CA13: variants seen among roughly 807,000 people sequenced by gnomAD.
CA13 encodes carbonic anhydrase 13.
A neutral mutation model predicts 31.5 loss-of-function variants in CA13; 21 were observed. That is an observed-to-expected ratio of 0.67 (90% CI 0.47 to 0.96). The LOEUF (loss-of-function observed/expected upper bound fraction) is 0.96, where lower values mean the gene tolerates loss of function less well. CA13 is among the 40% of genes least tolerant of loss of function. The pLI is 0.00. For missense variants in CA13, 315 were observed against 318.9 expected (o/e 0.99, Z 0.09); for synonymous variants, 117 against 111.4 (o/e 1.05, Z -0.32).
intron 1 of CA13, 125 bp downstream of exon 1, chr8:85,245,990 AAAC>A: frequency 1.8e-5 from 3 of 167,526 alleles, no homozygotes; most frequent in Non-Finnish European, 3.2e-5. Flanking sequence ...GTTCCTCTTT[AAAC>A]TAAGCAGCAC....
At chr8:85,249,648 T>C (rs1030350005) in intron 1 of CA13, among the ~76,000 whole-genome samples, 10 of 152,250 alleles carry the variant, frequency 6.6e-5, no homozygotes, top group African/African-American at 2.2e-4. Context: ...CATGCTATGA[T>C]GTTTTAATTA....
At chr8:85,264,932 T>G (rs1434095845) in intron 3 of CA13, among the ~76,000 whole-genome samples, 3 of 152,254 alleles carry the variant, frequency 2.0e-5, no homozygotes, top group Non-Finnish European at 4.4e-5. Context: ...GGAATCTACT[T>G]TTATATTGCA....
At chr8:85,252,239 G>C (rs1807203585) in intron 2 of CA13, among the ~76,000 whole-genome samples, 1 of 151,856 alleles carries the variant, frequency 6.6e-6, no homozygotes, top group Non-Finnish European at 1.5e-5. Flanking sequence ...CTGGGTGACA[G>C]AGCAAGATCC....
At chr8:85,266,367 G>A (rs1179792546) in intron 3 of CA13, among the ~76,000 whole-genome samples, 1 of 151,948 alleles carries the variant, frequency 6.6e-6, no homozygotes, top group Non-Finnish European at 1.5e-5. Context: ...GGATGCTCAA[G>A]GCATTCTATA....
In CA13 at chr8:85,268,626, A is replaced by G. The variant is rs758322947; in HGVS notation, c.668A>G (p.Gln223Arg). The change falls in exon 6 of 7, where the codon CAG becomes CGG. Residue 223 changes from glutamine to arginine, a missense_variant and splice_region_variant. Physicochemically the swap from Gln to Arg is conservative, Grantham distance 43. Coordinates refer to ENST00000321764, the MANE Select transcript of CA13 (RefSeq NM_198584.3). ...CAACCTATAAACATCAGCTCTCAAC[A>G]GGTACATAATCTCTTCCAGGTTGAT... Reference protein sequence around the residue: ...LKQPINISSQQLAKFRSLLCT... With the variant: ...LKQPINISSQRLAKFRSLLCT... The G allele has an allele frequency of 6.2e-7, 1 of 1,611,974 alleles. No homozygotes were observed. Among genetic ancestry groups the G allele is most frequent in the South Asian group, 1.1e-5 (1 of 90,924 alleles).
At chr8:85,273,738 C>T (rs766004538) in intron 6 of CA13, among the ~76,000 whole-genome samples, 17 of 151,954 alleles carry the variant, frequency 1.1e-4, no homozygotes, top group Non-Finnish European at 2.4e-4. Context: ...TTGGGGCTGA[C>T]GCCATAGGCC....
intron 5 of CA13, among the ~76,000 whole-genome samples, 200 bp from the exon 6 acceptor site, chr8:85,268,272 C>T (rs998159806): frequency 1.3e-5 from 2 of 152,064 alleles, no homozygotes; most frequent in Non-Finnish European, 2.9e-5. Context: ...TTAAATAAAT[C>T]TATGATATGT....
At chr8:85,268,918 T>C (rs1223648053) in intron 6 of CA13, among the ~76,000 whole-genome samples, 3 of 152,200 alleles carry the variant, frequency 2.0e-5, no homozygotes, top group African/African-American at 4.8e-5. Context: ...TTGTTTGATA[T>C]GGGGATATAA....
At chr8:85,258,759 CAAAA>C (rs33933991) in intron 2 of CA13, among the ~76,000 whole-genome samples, 4 of 43,474 alleles carry the variant, frequency 9.2e-5, no homozygotes, top group African/African-American at 4.0e-4. Context: ...CCTGTCTCTA[CAAAA>C]AAAAAAAAAA....
intron 1 of CA13, 114 bp downstream of exon 1, chr8:85,245,979 G>A: frequency 8.1e-7 from 1 of 1,234,322 alleles, no homozygotes; most frequent in Non-Finnish European, 1.2e-6. Flanking sequence ...AAACTTTTTC[G>A]GTTCCTCTTT....
chr8:85,261,255 A>G (rs951133029), intron 3 of CA13, among the ~76,000 whole-genome samples: 1 of 152,154 alleles, frequency 6.6e-6, no homozygotes, highest in Non-Finnish European at 1.5e-5. Context: ...AACATTACAG[A>G]TAATTATTTT....
chr8:85,280,528 T>C lies in CA13; in HGVS notation c.670-702T>C, dbSNP rs144003127. 1.6e-3 allele frequency among the ~76,000 whole-genome samples: 239 copies of C among 152,322 alleles called. 2 individuals carry two copies. The highest frequency in any genetic ancestry group is 5.6e-3 in the African/African-American group (232 of 41,582). ...CTGAGATTAGATGGTTAACAAAATT[T>C]AGAGAATGTAGGTTCTCATTCCTAA... On this transcript the variant is annotated intron_variant, in intron 6 of 6. Coordinates refer to ENST00000321764, the MANE Select transcript of CA13 (RefSeq NM_198584.3).
chr8:85,280,789 G>A, intron 6 of CA13, among the ~76,000 whole-genome samples: 1 of 152,104 alleles, frequency 6.6e-6, no homozygotes, highest in Non-Finnish European at 1.5e-5. Flanking sequence ...TAGTGATGTA[G>A]GTTGATATGT....
chr8:85,255,495 A>G (rs1170605545), intron 2 of CA13, among the ~76,000 whole-genome samples: 1 of 151,386 alleles, frequency 6.6e-6, no homozygotes, highest in African/African-American at 2.4e-5. Context: ...AACTCCTGGC[A>G]TTTTTAGTAG....
rs550764931 is a variant in CA13, at chr8:85,276,261, C to T, written c.670-4969C>T. On this transcript the variant is annotated intron_variant, in intron 6 of 6. Transcript: ENST00000321764. The stretch of plus-strand genomic sequence containing the variant: ...CCGGCCTTAGCTGCCTTCCTCCCCC[C>T]GGGGCAGGGCTCGGGACCTGCAGCC... Among the ~76,000 whole-genome samples, 14 of 152,272 alleles carry T rather than the reference C, an allele frequency of 9.2e-5. 1 individual carries two copies. In the East Asian group the frequency reaches 2.5e-3, roughly 27 times the overall value.
At chr8:85,264,589 G>A (rs892974573) in intron 3 of CA13, among the ~76,000 whole-genome samples, 2 of 152,096 alleles carry the variant, frequency 1.3e-5, no homozygotes, top group African/African-American at 4.8e-5. Context: ...TTAAATAGTT[G>A]TACTTTTAAC....
At chr8:85,275,678 T>C (rs766475758) in intron 6 of CA13, among the ~76,000 whole-genome samples, 10 of 152,222 alleles carry the variant, frequency 6.6e-5, no homozygotes, top group Non-Finnish European at 1.3e-4. Flanking sequence ...CATTGTCCAA[T>C]TGTGGTGAAG....
chr8:85,250,988 AT>A, intron 2 of CA13, 51 bp downstream of exon 2: 1 of 1,103,838 alleles, frequency 9.1e-7, no homozygotes, highest in Non-Finnish European at 1.4e-6. Context: ...GGTTTGAATG[AT>A]TAGACTATAC....
intron 6 of CA13, among the ~76,000 whole-genome samples, chr8:85,280,244 C>T (rs974345013): frequency 2.0e-5 from 3 of 152,202 alleles, no homozygotes; most frequent in African/African-American, 4.8e-5. Context: ...TCTGCCATTG[C>T]ACTCTAGCCT....
Sources: gnomAD v4.1 joint callset for allele counts (sites outside exome capture counted in the v4.1 genomes callset) on GRCh38, gnomAD v4.1.1 for gene constraint, MANE v1.5 for transcripts, NCBI Gene and HGNC (gene_info 2026-07-23, HGNC 2026-07-21) for gene names.